TRAF3: variants seen among roughly 807,000 people sequenced by gnomAD.
TRAF3 encodes TNF receptor-associated factor 3.
Under a neutral mutation model 62.3 loss-of-function variants are expected in TRAF3, and 13 were observed. That is an observed-to-expected ratio of 0.21 (90% confidence interval 0.14 to 0.33). The LOEUF (loss-of-function observed/expected upper bound fraction) is 0.33, where lower values mean the gene tolerates loss of function less well. Among genes scored for constraint, TRAF3 ranks in the 10% least tolerant of loss-of-function variants. TRAF3 has a pLI of 1.00. For missense variants in TRAF3, 440 were observed against 741.8 expected (o/e 0.59, Z 4.73); for synonymous variants, 269 against 283.4 (o/e 0.95, Z 0.51).
intron 9 of TRAF3, among the ~76,000 whole-genome samples, chr14:102,895,403 A>G (rs1024815412): frequency 1.3e-5 from 2 of 152,260 alleles, no homozygotes; most frequent in Admixed American, 6.5e-5. Flanking sequence ...TGTGCCGAAT[A>G]TGAAAAGGAC....
chr14:102,905,876 G>C lies in TRAF3; in HGVS notation c.*92G>C, dbSNP rs957022190. 1.7e-5 allele frequency: 21 copies of C among 1,233,796 alleles called. No homozygotes were observed. The highest frequency in any genetic ancestry group is 2.4e-5 in the Non-Finnish European group (21 of 880,728). The allele number at this position is 1,233,796 out of a possible 1,614,324, so 76.4% of individuals were successfully genotyped here. A position where few individuals can be genotyped will look rare whatever the true frequency, so the allele number is the denominator to read the frequency against. Reference sequence around the variant, plus strand: ...CACTGAGGTCCTCGCGCTCAGAAAAGGACCTTGTGAGACGGAGGAAGCGGC... The same window carrying C: ...CACTGAGGTCCTCGCGCTCAGAAAACGACCTTGTGAGACGGAGGAAGCGGC... On this transcript the variant is annotated 3_prime_UTR_variant, in exon 12 of 12. Coordinates refer to ENST00000392745, the MANE Select transcript of TRAF3 (RefSeq NM_145725.3).
At chr14:102,803,503 A>G (rs928269908) in intron 1 of TRAF3, among the ~76,000 whole-genome samples, 8 of 152,178 alleles carry the variant, frequency 5.3e-5, no homozygotes, top group Admixed American at 4.6e-4. Context: ...CATTTAGCAT[A>G]GGTAAGCTCA....
chr14:102,814,685 A>G (rs1479113663), intron 1 of TRAF3, among the ~76,000 whole-genome samples: 1 of 151,756 alleles, frequency 6.6e-6, no homozygotes, highest in Non-Finnish European at 1.5e-5. Flanking sequence ...CATCTGGCTA[A>G]TTTTTTGTAC....
Position 102,868,347 on chromosome 14 carries a change from C to G in TRAF3, c.-17-1838C>G, listed in dbSNP as rs1375039067. On this transcript the variant is annotated intron_variant, in intron 2 of 11. Transcript: ENST00000392745. The stretch of plus-strand genomic sequence containing the variant: ...TAGGCAGCGGTGTTCCCTGAGGCTC[C>G]TGAGTCTGGTTCTCACTGGGTCCCT... Among the ~76,000 whole-genome samples, 5 of 152,158 alleles carry G rather than the reference C, an allele frequency of 3.3e-5. 1 individual carries two copies. The highest frequency in any genetic ancestry group is 1.2e-4 in the African/African-American group (5 of 41,428).
At chr14:102,782,964 A>G (rs1188258408) in intron 1 of TRAF3, among the ~76,000 whole-genome samples, 1 of 152,220 alleles carries the variant, frequency 6.6e-6, no homozygotes, top group Admixed American at 6.5e-5. Flanking sequence ...GTGAATCTCC[A>G]GGAGTCATGA....
chr14:102,782,527 CCT>C (rs1821757543), intron 1 of TRAF3, among the ~76,000 whole-genome samples: 1 of 152,148 alleles, frequency 6.6e-6, no homozygotes, highest in African/African-American at 2.4e-5. Flanking sequence ...GCCACCGCAC[CCT>C]GTCTTGGCTC....
chr14:102,882,694 C>T (rs1889140104), intron 6 of TRAF3, among the ~76,000 whole-genome samples: 1 of 151,950 alleles, frequency 6.6e-6, no homozygotes, highest in South Asian at 2.1e-4. Flanking sequence ...TTCTCCTACA[C>T]TCCCTGTGTT....
intron 1 of TRAF3, among the ~76,000 whole-genome samples, chr14:102,817,286 T>C (rs1246490733): frequency 6.6e-6 from 1 of 152,176 alleles, no homozygotes; most frequent in Non-Finnish European, 1.5e-5. Flanking sequence ...CTTGAAGGTC[T>C]TTGGGGACTT....
Position 102,891,397 on chromosome 14 carries a change from A to G in TRAF3, c.799A>G (p.Ser267Gly). 1 of 1,612,920 alleles carries G rather than the reference A, an allele frequency of 6.2e-7. No homozygotes were observed. Residue 267 changes from serine to glycine, a missense_variant, in exon 9 of 12, where the codon AGC becomes GGC. Physicochemically the swap from Ser to Gly is moderately conservative, Grantham distance 56. Around this residue, in one of 6 missense-constraint regions of TRAF3, gnomAD observed 255 missense variants for 424.1 expected, o/e 0.60. Transcript: ENST00000392745. ...VQHVNLLKEW[S>G]NSLEKKVSLL... ...GCACGTCAACCTGCTGAAGGAGTGGAGCAACTCGCTCGAAAAGAAGGTGGG... is the reference window on the plus strand; with the variant it reads ...GCACGTCAACCTGCTGAAGGAGTGGGGCAACTCGCTCGAAAAGAAGGTGGG...
intron 2 of TRAF3, among the ~76,000 whole-genome samples, chr14:102,850,176 C>T (rs1195776557): frequency 6.6e-6 from 1 of 152,084 alleles, no homozygotes; most frequent in Non-Finnish European, 1.5e-5. Flanking sequence ...GAATCCAGTC[C>T]ACCTCTTTGC....
intron 9 of TRAF3, 61 bp downstream of exon 9, chr14:102,891,478 A>G: frequency 6.5e-7 from 1 of 1,533,778 alleles, no homozygotes; most frequent in South Asian, 1.2e-5. Context: ...TTATTTAAAG[A>G]CAAAACCTTT....
At chr14:102,884,314 G>A (rs1373536560) in intron 6 of TRAF3, among the ~76,000 whole-genome samples, 3 of 152,170 alleles carry the variant, frequency 2.0e-5, no homozygotes, top group South Asian at 2.1e-4. Context: ...GGGTCTGCCC[G>A]ACGCCAGGGT....
At chr14:102,841,874 A>G (rs1189850198) in intron 2 of TRAF3, among the ~76,000 whole-genome samples, 1 of 152,190 alleles carries the variant, frequency 6.6e-6, no homozygotes, top group Non-Finnish European at 1.5e-5. Flanking sequence ...GTAGAGAAAA[A>G]CATAAGCATA....
intron 6 of TRAF3, chr14:102,876,776 C>G (rs1478240142): frequency 2.1e-6 from 1 of 483,760 alleles, no homozygotes; most frequent in Admixed American, 3.3e-5. Flanking sequence ...TTCCGCTCAG[C>G]TCACAGATAA....
chr14:102,799,855 T>C (rs1233721977), intron 1 of TRAF3, among the ~76,000 whole-genome samples: 1 of 152,178 alleles, frequency 6.6e-6, no homozygotes, highest in Non-Finnish European at 1.5e-5. Flanking sequence ...ACTTGGCCTT[T>C]AGTGTGGTAT....
chr14:102,850,023 C>T (rs1408302187), intron 2 of TRAF3, among the ~76,000 whole-genome samples: 1 of 152,168 alleles, frequency 6.6e-6, no homozygotes, highest in African/African-American at 2.4e-5. Context: ...GGCTTTCCAG[C>T]TCTTGGAGCA....
At chr14:102,823,250 T>G (rs1310356739) in intron 1 of TRAF3, among the ~76,000 whole-genome samples, 1 of 152,194 alleles carries the variant, frequency 6.6e-6, no homozygotes, top group Non-Finnish European at 1.5e-5. Context: ...TTGTGAGCAT[T>G]ATGTTGAGTT....
At chr14:102,877,574 A>G (rs1162209551) in intron 6 of TRAF3, among the ~76,000 whole-genome samples, 1 of 140,608 alleles carries the variant, frequency 7.1e-6, no homozygotes, top group Non-Finnish European at 1.5e-5. Context: ...CTCATAGATA[A>G]TCCATTCCAC....
chr14:102,816,209 C>A (rs1225411593), intron 1 of TRAF3, among the ~76,000 whole-genome samples: 1 of 151,882 alleles, frequency 6.6e-6, no homozygotes, highest in Non-Finnish European at 1.5e-5. Flanking sequence ...CTCAGGTGAT[C>A]CTCTCACCTC....
Sources: allele counts gnomAD v4.1 joint callset (sites outside exome capture counted in the v4.1 genomes callset), GRCh38; gene constraint gnomAD v4.1.1; regional missense constraint gnomAD v4.1.1; transcripts MANE v1.5; gene names NCBI Gene and HGNC (gene_info 2026-07-23, HGNC 2026-07-21).